Variants in SGCD observed in about 807,000 individuals in gnomAD.
SGCD encodes the protein delta-sarcoglycan.
A neutral mutation model predicts 36.6 loss-of-function variants in SGCD; 18 were observed. That is an observed-to-expected ratio of 0.49 (90% CI 0.34 to 0.73). The LOEUF is 0.73. SGCD is among the 30% of genes least tolerant of loss of function. SGCD has a pLI of 0.01. For missense variants in SGCD, 387 were observed against 346.7 expected, an observed-to-expected ratio of 1.12 and a Z score of -0.92; for synonymous variants, 133 against 130.6, an observed-to-expected ratio of 1.02 and a Z score of -0.12.
chr5:156,113,332 C>CATTT (rs1352981129), intron 1 of SGCD, among the ~76,000 whole-genome samples: 3 of 151,952 alleles, frequency 2.0e-5, no homozygotes, highest in Admixed American at 6.6e-5. Context: ...TTTTCCTTTG[C>CATTT]ATTTATTTAT....
At chr5:156,270,388 T>C (rs1028254474) in intron 3 of SGCD, among the ~76,000 whole-genome samples, 4 of 152,226 alleles carry the variant, frequency 2.6e-5, no homozygotes, top group African/African-American at 4.8e-5. Flanking sequence ...AGATAGGCTT[T>C]TGTTTCTTTT....
At chr5:156,553,733 CT>C (rs1419607499) in intron 4 of SGCD, among the ~76,000 whole-genome samples, 1 of 152,150 alleles carries the variant, frequency 6.6e-6, no homozygotes, top group Non-Finnish European at 1.5e-5. Context: ...CATGTGACTT[CT>C]TTCCCTTAGC....
intron 1 of SGCD, among the ~76,000 whole-genome samples, chr5:155,927,760 C>T (rs942574025): frequency 2.0e-5 from 3 of 152,052 alleles, no homozygotes; most frequent in African/African-American, 7.2e-5. Context: ...TTGTCATTGT[C>T]TCAGAGTAAT....
intron 4 of SGCD, among the ~76,000 whole-genome samples, chr5:156,576,186 G>C (rs1489338244): frequency 6.6e-6 from 1 of 151,014 alleles, no homozygotes; most frequent in Admixed American, 6.6e-5. Context: ...TTGGTTTTCT[G>C]TCCTTCTGAT....
intron 4 of SGCD, among the ~76,000 whole-genome samples, chr5:156,573,546 T>C (rs905962857): frequency 6.6e-6 from 1 of 152,110 alleles, no homozygotes; most frequent in Non-Finnish European, 1.5e-5. Context: ...ATCCCTCCTC[T>C]CAGACTGGAA....
intron 3 of SGCD, among the ~76,000 whole-genome samples, chr5:156,395,159 T>A (rs1771781595): frequency 6.6e-6 from 1 of 152,194 alleles, no homozygotes; most frequent in African/African-American, 2.4e-5. Flanking sequence ...AGTCAAGCCA[T>A]CACTTTCATT....
chr5:156,047,494 C>G (rs1759798983), intron 1 of SGCD, among the ~76,000 whole-genome samples: 1 of 152,098 alleles, frequency 6.6e-6, no homozygotes, highest in Non-Finnish European at 1.5e-5. Flanking sequence ...TACTTATTAA[C>G]TGATACTGAA....
chr5:156,677,882 A>C (rs1159968506), intron 7 of SGCD, among the ~76,000 whole-genome samples: 1 of 152,198 alleles, frequency 6.6e-6, no homozygotes, highest in Non-Finnish European at 1.5e-5. Context: ...TTCCTGATTA[A>C]CTAGAAATAG....
chr5:156,105,948 TA>T (rs1761635311), intron 1 of SGCD, among the ~76,000 whole-genome samples: 1 of 150,838 alleles, frequency 6.6e-6, no homozygotes, highest in Admixed American at 6.6e-5. Context: ...CCGTCTCTAC[TA>T]AAAATACAAA....
chr5:156,115,320 G>T (rs1761882990), intron 1 of SGCD, among the ~76,000 whole-genome samples: 1 of 151,974 alleles, frequency 6.6e-6, no homozygotes, highest in Non-Finnish European at 1.5e-5. Flanking sequence ...CTGGCAAATA[G>T]TTATCTTTTT....
chr5:156,156,135 A>G (rs975266201), intron 3 of SGCD, among the ~76,000 whole-genome samples: 5 of 151,656 alleles, frequency 3.3e-5, no homozygotes, highest in South Asian at 2.1e-4. Context: ...AGCCTCTCAG[A>G]ACGGCAGATT....
intron 1 of SGCD, among the ~76,000 whole-genome samples, chr5:155,900,622 TG>T (rs1287803967): frequency 2.2e-5 from 3 of 136,408 alleles, no homozygotes; most frequent in Non-Finnish European, 4.7e-5. Context: ...CCCCTTCCTG[TG>T]TCCATGTGAT....
intron 3 of SGCD, among the ~76,000 whole-genome samples, chr5:156,507,387 G>A (rs1291949575): frequency 6.6e-6 from 1 of 152,190 alleles, no homozygotes; most frequent in Non-Finnish European, 1.5e-5. Flanking sequence ...TCTCCCTTTA[G>A]AGCCTCCAGA....
At chr5:156,289,766 G>T (rs1440543501) in intron 3 of SGCD, among the ~76,000 whole-genome samples, 1 of 152,002 alleles carries the variant, frequency 6.6e-6, no homozygotes, top group East Asian at 1.9e-4. Context: ...CAATCCGCCC[G>T]TCCTAGTCTC....
intron 3 of SGCD, among the ~76,000 whole-genome samples, chr5:156,355,588 TA>T (rs1188409961): frequency 6.6e-6 from 1 of 152,224 alleles, no homozygotes; most frequent in Non-Finnish European, 1.5e-5. Flanking sequence ...TCCCAACTTG[TA>T]AAATATACAG....
intron 7 of SGCD, among the ~76,000 whole-genome samples, chr5:156,701,643 A>G (rs1350279634): frequency 6.6e-6 from 1 of 152,198 alleles, no homozygotes; most frequent in Non-Finnish European, 1.5e-5. Flanking sequence ...GAATTAGACC[A>G]TCATTCTCAG....
At chr5:155,866,361 G>T (rs1004976994), upstream of SGCD, among the ~76,000 whole-genome samples, 2 of 152,030 alleles carry the variant, frequency 1.3e-5, no homozygotes, top group African/African-American at 4.8e-5. Flanking sequence ...CATTGTTTTT[G>T]CACCATCAAT....
At chr5:155,855,936 G>A in the SGCD span, among the ~76,000 whole-genome samples, 83 of 152,048 alleles carry the variant, frequency 5.5e-4, no homozygotes, top group Non-Finnish European at 1.9e-4. Flanking sequence ...TTAAGGAAAC[G>A]ATAGGAAAAA....
At chr5:156,021,951 G>A (rs547664242) in intron 1 of SGCD, among the ~76,000 whole-genome samples, 42 of 152,268 alleles carry the variant, frequency 2.8e-4, no homozygotes, top group Admixed American at 1.8e-3. Flanking sequence ...TATATTCAGA[G>A]TTGTACAACC....
Sources: allele counts gnomAD v4.1 joint callset (sites outside exome capture counted in the v4.1 genomes callset), GRCh38; gene constraint gnomAD v4.1.1; transcripts MANE v1.5; gene names NCBI Gene and HGNC (gene_info 2026-07-23, HGNC 2026-07-21).